Variants in TULP4 observed in about 807,000 individuals in gnomAD.
The protein encoded by TULP4 is tubby-related protein 4.
TULP4 carries 16 observed loss-of-function variants against 129.0 expected under a neutral mutation model. That is an observed-to-expected ratio of 0.12 (90% CI 0.08 to 0.19). The LOEUF (loss-of-function observed/expected upper bound fraction) is 0.19. Ranked by LOEUF, TULP4 falls within the 10% of genes least tolerant of loss-of-function variation. The probability of loss-of-function intolerance (pLI) is 1.00; values close to 1 mark genes in which losing one functional copy is unlikely to be tolerated. For synonymous variants in TULP4, 998 were observed against 854.0 expected, an observed-to-expected ratio of 1.17 and a Z score of -2.94; for missense variants, 1,842 against 2,059.1, an observed-to-expected ratio of 0.89 and a Z score of 2.04.
At chr6:158,307,059 T>C (rs781109458) in intron 1 of TULP4, among the ~76,000 whole-genome samples, 1 of 152,192 alleles carries the variant, frequency 6.6e-6, no homozygotes, top group Non-Finnish European at 1.5e-5. Flanking sequence ...TATTCCCTAA[T>C]TTATTAAAAA....
At chr6:158,401,547 G>A (rs1777849568) in intron 1 of TULP4, among the ~76,000 whole-genome samples, 2 of 152,206 alleles carry the variant, frequency 1.3e-5, no homozygotes, top group Admixed American at 6.5e-5. Flanking sequence ...AGTTAGTGAT[G>A]AAAAATGGAG....
At chr6:158,333,161 G>C (rs531392434) in intron 1 of TULP4, among the ~76,000 whole-genome samples, 1 of 152,288 alleles carries the variant, frequency 6.6e-6, no homozygotes, top group South Asian at 2.1e-4. Flanking sequence ...AGGATGTCAT[G>C]GACTGAATGT....
chr6:158,364,882 C>A (rs560492034), intron 1 of TULP4, among the ~76,000 whole-genome samples: 1 of 152,056 alleles, frequency 6.6e-6, no homozygotes, highest in South Asian at 2.1e-4. Flanking sequence ...ACTACAGGCG[C>A]CCGCCACCAC....
chr6:158,290,818 C>G (rs373830207), intron 1 of TULP4, among the ~76,000 whole-genome samples: 3 of 152,240 alleles, frequency 2.0e-5, no homozygotes, highest in Admixed American at 6.5e-5. Context: ...ACCTTCCCCC[C>G]CACATTTGTC....
chr6:158,308,698 G>A (rs1170243896), upstream of TULP4, among the ~76,000 whole-genome samples: 3 of 146,658 alleles, frequency 2.0e-5, no homozygotes, highest in South Asian at 6.5e-4. Flanking sequence ...CTTCCCAGTA[G>A]GGGCGGCCGG....
rs1583845649 is a variant in TULP4 at position 158,409,729 on chromosome 6, C to T, written c.253-3336C>T. The stretch of plus-strand genomic sequence containing the variant: ...TTGGCTTTATTTTTAAACCAAAAAT[C>T]ACTGGAAAGATTTCTGTCTCTAATT... On this transcript the variant is annotated intron_variant, in intron 1 of 13. Transcript: ENST00000367097. Among the ~76,000 whole-genome samples, 3 of 152,302 alleles carry T rather than the reference C, an allele frequency of 2.0e-5. No homozygotes were observed. In the Middle Eastern group the frequency reaches 0.01, roughly 518 times the overall value.
chr6:158,504,408 G>T, intron 13 of TULP4, among the ~76,000 whole-genome samples: 1 of 151,406 alleles, frequency 6.6e-6, no homozygotes, highest in South Asian at 2.1e-4. Flanking sequence ...GTGCAGTGGC[G>T]CAGTCTTGGC....
chr6:158,484,731 C>T (rs1388141360), intron 8 of TULP4, among the ~76,000 whole-genome samples: 1 of 152,220 alleles, frequency 6.6e-6, no homozygotes, highest in African/African-American at 2.4e-5. Flanking sequence ...AAAGCCTTCA[C>T]CAGGAAGCAG....
chr6:158,257,173 A>G (rs1326656730), intron 1 of TULP4, among the ~76,000 whole-genome samples: 1 of 152,112 alleles, frequency 6.6e-6, no homozygotes, highest in Non-Finnish European at 1.5e-5. Flanking sequence ...GAAGATGCCT[A>G]CTTTGTTTGA....
rs527431481 is a variant in TULP4, at chr6:158,508,780, A to T, written c.*2086A>T. 1.7e-3 allele frequency: 249 copies of T among 150,702 alleles called. 2 individuals are homozygous for T. Among genetic ancestry groups the T allele is most frequent in the African/African-American group, 5.6e-3 (230 of 40,894 alleles). 9.3% of individuals were successfully genotyped at this position (150,702 alleles called of 1,614,324 possible). A position where few individuals can be genotyped will look rare whatever the true frequency, so the allele number is the denominator to read the frequency against. ...TTTTGTTGTTACGTTTTGGTGAGTTATACCCATTTTATTTATTTAGAAAAA... is the reference window on the plus strand; with the variant it reads ...TTTTGTTGTTACGTTTTGGTGAGTTTTACCCATTTTATTTATTTAGAAAAA... On this transcript the variant is annotated 3_prime_UTR_variant, in exon 14 of 14. Coordinates refer to ENST00000367097, the MANE Select transcript of TULP4 (RefSeq NM_020245.5).
At chr6:158,232,762 G>C (rs919779153) in intron 1 of TULP4, among the ~76,000 whole-genome samples, 1 of 152,140 alleles carries the variant, frequency 6.6e-6, no homozygotes, top group Non-Finnish European at 1.5e-5. Flanking sequence ...TCGGGCCCGA[G>C]CGGCTTCCCC....
rs188669446 is a variant in TULP4 at position 158,405,518 on chromosome 6, G to A, written c.253-7547G>A. On this transcript the variant is annotated intron_variant, in intron 1 of 13. Coordinates refer to ENST00000367097, the MANE Select transcript of TULP4 (RefSeq NM_020245.5). ...AAGCACATGATTTACAGCTGTGACG[G>A]TTTAGCATATGCTCTGCTACTTGAG... 3.5e-3 allele frequency among the ~76,000 whole-genome samples: 529 copies of A among 152,270 alleles called. 2 individuals carry two copies. The highest frequency in any genetic ancestry group is 6.8e-3 in the Middle Eastern group (2 of 294).
At chr6:158,337,100 C>T (rs4709197) in intron 1 of TULP4, among the ~76,000 whole-genome samples, 48 of 67,228 alleles carry the variant, frequency 7.1e-4, no homozygotes, top group South Asian at 3.9e-3. Context: ...CTCTCTCTCT[C>T]TTTTTTTCTC....
intron 1 of TULP4, among the ~76,000 whole-genome samples, chr6:158,320,545 C>G (rs1341161724): frequency 6.6e-6 from 1 of 151,858 alleles, no homozygotes; most frequent in African/African-American, 2.4e-5. Context: ...CATTTTTCTG[C>G]CTCAGCCTCC....
At chr6:158,371,258 G>C (rs1350363507) in intron 1 of TULP4, among the ~76,000 whole-genome samples, 2 of 152,196 alleles carry the variant, frequency 1.3e-5, no homozygotes, top group Non-Finnish European at 2.9e-5. Flanking sequence ...AGAAACTGGA[G>C]ACAAAGCCCA....
upstream of TULP4, among the ~76,000 whole-genome samples, chr6:158,278,402 G>A (rs879232647): frequency 7.4e-6 from 1 of 134,674 alleles, no homozygotes; most frequent in Non-Finnish European, 1.6e-5. Flanking sequence ...TTTTTTTTTT[G>A]GCTATATGCT....
At chr6:158,450,298 G>T (rs1388851240) in intron 4 of TULP4, among the ~76,000 whole-genome samples, 1 of 152,188 alleles carries the variant, frequency 6.6e-6, no homozygotes, top group African/African-American at 2.4e-5. Context: ...CCATTGTGGG[G>T]CATGTCGTCC....
upstream of TULP4, among the ~76,000 whole-genome samples, chr6:158,311,423 G>T (rs1170395746): frequency 8.5e-5 from 13 of 152,314 alleles, 1 homozygote; most frequent in South Asian, 2.1e-3. Flanking sequence ...TGTAGAGGAT[G>T]TGATGCAGCC....
At chr6:158,293,047 TAAG>T (rs1018644098) in intron 1 of TULP4, among the ~76,000 whole-genome samples, 4 of 151,906 alleles carry the variant, frequency 2.6e-5, no homozygotes, top group African/African-American at 7.3e-5. Context: ...AGATTCACTC[TAAG>T]AAGTAGCTAA....
Sources: gnomAD v4.1 joint callset for allele counts (sites outside exome capture counted in the v4.1 genomes callset) on GRCh38, gnomAD v4.1.1 for gene constraint, MANE v1.5 for transcripts, NCBI Gene and HGNC (gene_info 2026-07-23, HGNC 2026-07-21) for gene names.